PSD3: variants seen among roughly 807,000 people sequenced by gnomAD.
PSD3 encodes PH and SEC7 domain-containing protein 3.
A neutral mutation model predicts 105.5 loss-of-function variants in PSD3; 49 were observed. The ratio of observed to expected loss-of-function variants is 0.46; its 90% confidence interval spans 0.37 to 0.59. The LOEUF is 0.59. PSD3 is among the 20% of genes least tolerant of loss of function. The pLI is 0.00. For synonymous variants in PSD3, 557 were observed against 457.8 expected (o/e 1.22, Z -2.77); for missense variants, 1,561 against 1,263.8 (o/e 1.24, Z -3.57).
At chr8:18,695,336 T>C (rs762383954) in intron 9 of PSD3, among the ~76,000 whole-genome samples, 1 of 152,210 alleles carries the variant, frequency 6.6e-6, no homozygotes, top group Admixed American at 6.5e-5. Context: ...GACATAAAAG[T>C]GCATGCATGA....
chr8:18,641,807 A>G (rs540989128), intron 10 of PSD3, among the ~76,000 whole-genome samples: 1 of 152,380 alleles, frequency 6.6e-6, no homozygotes, highest in Admixed American at 6.5e-5. Context: ...GAATGAACTT[A>G]TAAAAAATGT....
chr8:18,660,687 T>C (rs1373091326), intron 9 of PSD3, among the ~76,000 whole-genome samples: 1 of 152,202 alleles, frequency 6.6e-6, no homozygotes, highest in Non-Finnish European at 1.5e-5. Flanking sequence ...ACGAGGAAAC[T>C]GCATGAATAT....
At chr8:18,774,755 G>C (rs930870883) in intron 8 of PSD3, 2 of 385,994 alleles carry the variant, frequency 5.2e-6, no homozygotes, top group Non-Finnish European at 1.0e-5. Context: ...TGAGAACACA[G>C]GCAACAGATT....
chr8:18,979,951 T>A (rs1316998050), intron 1 of PSD3, among the ~76,000 whole-genome samples: 6 of 152,224 alleles, frequency 3.9e-5, no homozygotes, highest in Non-Finnish European at 7.3e-5. Context: ...TCAGATTTAA[T>A]CTTGACAGAA....
intron 9 of PSD3, among the ~76,000 whole-genome samples, chr8:18,726,153 C>T (rs1803320590): frequency 6.6e-6 from 1 of 152,210 alleles, no homozygotes. Flanking sequence ...TTCCCTAAAC[C>T]CAGAAAGGCA....
chr8:19,083,549 C>G (rs1411273899), intron 1 of PSD3, among the ~76,000 whole-genome samples: 2 of 152,074 alleles, frequency 1.3e-5, no homozygotes, highest in Non-Finnish European at 2.9e-5. Context: ...TGGTGGTGGT[C>G]TAGGTGTGTT....
At chr8:19,068,771 A>G (rs1019238579) in intron 1 of PSD3, among the ~76,000 whole-genome samples, 2 of 152,120 alleles carry the variant, frequency 1.3e-5, no homozygotes, top group Non-Finnish European at 2.9e-5. Context: ...TAAAAAAAAA[A>G]AAAAGAACTG....
intron 9 of PSD3, among the ~76,000 whole-genome samples, chr8:18,742,139 C>A (rs918797133): frequency 6.6e-5 from 10 of 152,158 alleles, no homozygotes; most frequent in Non-Finnish European, 1.3e-4. Flanking sequence ...TCCAAGAGAA[C>A]AGAAGAAAGT....
intron 1 of PSD3, among the ~76,000 whole-genome samples, chr8:18,961,083 C>T (rs1823883427): frequency 1.3e-5 from 2 of 151,912 alleles, no homozygotes; most frequent in Admixed American, 1.3e-4. Flanking sequence ...CAGAGTGAGA[C>T]CCTGTCTCCA....
chr8:19,078,871 C>T (rs939316202), intron 1 of PSD3, among the ~76,000 whole-genome samples: 13 of 151,272 alleles, frequency 8.6e-5, no homozygotes, highest in Admixed American at 8.6e-4. Flanking sequence ...AAAGAGGGAT[C>T]AGAGAAGACT....
chr8:18,656,104 C>T (rs537221936), intron 9 of PSD3, among the ~76,000 whole-genome samples: 1 of 152,296 alleles, frequency 6.6e-6, no homozygotes, highest in East Asian at 1.9e-4. Flanking sequence ...ATTGCCCAGG[C>T]TGGAGTGCAA....
chr8:18,558,276 G>C (rs1348577492), intron 14 of PSD3, among the ~76,000 whole-genome samples: 1 of 152,086 alleles, frequency 6.6e-6, no homozygotes, highest in Admixed American at 6.6e-5. Context: ...TTACCTAATA[G>C]ACTTCTTGAC....
intron 9 of PSD3, among the ~76,000 whole-genome samples, chr8:18,689,352 A>G (rs1800842683): frequency 6.6e-6 from 1 of 152,186 alleles, no homozygotes; most frequent in South Asian, 2.1e-4. Flanking sequence ...AATCAACAGG[A>G]GAGTATCAAA....
rs557213744 is a variant in PSD3 at position 18,652,306 on chromosome 8, T to A, written c.2216+3336A>T. ...TGGCAGAAGAAGTTTTAAGAGTGAA[T>A]TGCAATTGCTGAGGAGGAGACTACA... On this transcript the variant is annotated intron_variant, in intron 10 of 15. Coordinates refer to ENST00000327040, the MANE Select transcript of PSD3 (RefSeq NM_015310.4). Among the ~76,000 whole-genome samples the A allele has an allele frequency of 3.9e-5, 6 of 152,064 alleles. 1 individual carries two copies. Among genetic ancestry groups the A allele is most frequent in the Middle Eastern group, 3.4e-3 (1 of 294 alleles).
rs1271270261 is a variant in PSD3, at chr8:18,531,555, A to C, written c.*4188T>G. The C allele has an allele frequency of 6.6e-6, 1 of 152,302 alleles. No individual in the cohort carries two copies. Among genetic ancestry groups the C allele is most frequent in the Non-Finnish European group, 1.5e-5 (1 of 68,092 alleles). 9.4% of individuals were successfully genotyped at this position (152,302 alleles called of 1,614,324 possible). A position where few individuals can be genotyped will look rare whatever the true frequency, so the allele number is the denominator to read the frequency against. On this transcript the variant is annotated 3_prime_UTR_variant, in exon 16 of 16. Coordinates refer to ENST00000327040, the MANE Select transcript of PSD3 (RefSeq NM_015310.4). ...AGATGCTATAAGACTGGTGGAAAGA[A>C]ATTTGCTGACATGTGGCAGAGCAGT...
In PSD3 at chr8:18,582,147, A is replaced by G. The variant is rs542529575; in HGVS notation, c.2482-6862T>C. 1.9e-3 allele frequency among the ~76,000 whole-genome samples: 284 copies of G among 152,248 alleles called. 3 individuals are homozygous for G. The highest frequency in any genetic ancestry group is 0.017 in the South Asian group (83 of 4,808). Reference sequence around the variant, plus strand: ...AAAGTCACAGGAAGGGGAATATGAGAAAAAGAGGAGTGGAGTGGATCAAAC... The same window carrying G: ...AAAGTCACAGGAAGGGGAATATGAGGAAAAGAGGAGTGGAGTGGATCAAAC... On this transcript the variant is annotated intron_variant, in intron 12 of 15. Coordinates refer to ENST00000327040, the MANE Select transcript of PSD3 (RefSeq NM_015310.4).
At chr8:19,047,523 T>C (rs1306447806) in intron 1 of PSD3, among the ~76,000 whole-genome samples, 1 of 151,940 alleles carries the variant, frequency 6.6e-6, no homozygotes, top group African/African-American at 2.4e-5. Flanking sequence ...AGGGGGTAAA[T>C]GAATGGAGGA....
intron 2 of PSD3, among the ~76,000 whole-genome samples, chr8:18,919,686 G>T (rs1005220195): frequency 1.2e-4 from 18 of 152,060 alleles, no homozygotes; most frequent in African/African-American, 4.1e-4. Flanking sequence ...AATTTTCTAT[G>T]TGCGCCATTT....
At chr8:19,027,763 C>T (rs2129476095) in intron 1 of PSD3, among the ~76,000 whole-genome samples, 1 of 152,290 alleles carries the variant, frequency 6.6e-6, no homozygotes, top group East Asian at 1.9e-4. Flanking sequence ...TCCATATTTT[C>T]ACATGGATCT....
Sources: gnomAD v4.1 joint callset for allele counts (sites outside exome capture counted in the v4.1 genomes callset) on GRCh38, gnomAD v4.1.1 for gene constraint, MANE v1.5 for transcripts, NCBI Gene and HGNC (gene_info 2026-07-23, HGNC 2026-07-21) for gene names.